Variants in RSBN1 observed in about 807,000 individuals in gnomAD.
RSBN1 encodes the protein lysine-specific demethylase 9.
RSBN1 carries 23 observed loss-of-function variants against 74.8 expected under a neutral mutation model. That is an observed-to-expected ratio of 0.31 (90% confidence interval 0.22 to 0.44). The LOEUF is 0.44. RSBN1 is among the 20% of genes least tolerant of loss of function. RSBN1 has a pLI of 1.00. For synonymous variants in RSBN1, 407 were observed against 379.6 expected (o/e 1.07, Z -0.84); for missense variants, 808 against 1,020.9 (o/e 0.79, Z 2.84).
intron 4 of RSBN1, among the ~76,000 whole-genome samples, chr1:113,775,286 A>G (rs1357896466): frequency 6.6e-6 from 1 of 151,858 alleles, no homozygotes; most frequent in African/African-American, 2.4e-5. Context: ...TGGCCTCCCA[A>G]AGTGCTGGGA....
intron 2 of RSBN1, among the ~76,000 whole-genome samples, chr1:113,784,952 A>T (rs1660209155): frequency 6.6e-6 from 1 of 152,132 alleles, no homozygotes; most frequent in Non-Finnish European, 1.5e-5. Flanking sequence ...GATTTTTAAA[A>T]TTTTTCTTTC....
chr1:113,788,608 TG>T (rs1203108160), intron 2 of RSBN1, among the ~76,000 whole-genome samples: 2 of 152,104 alleles, frequency 1.3e-5, no homozygotes, highest in African/African-American at 4.8e-5. Flanking sequence ...ACAGCAACAC[TG>T]TAAGTTTAAA....
intron 2 of RSBN1, among the ~76,000 whole-genome samples, chr1:113,790,977 T>C (rs1428958626): frequency 6.6e-6 from 1 of 152,186 alleles, no homozygotes; most frequent in East Asian, 1.9e-4. Context: ...AACTCTGGCC[T>C]GGAAATAGCA....
At chr1:113,769,447 G>C (rs1440631141) in intron 4 of RSBN1, among the ~76,000 whole-genome samples, 2 of 152,086 alleles carry the variant, frequency 1.3e-5, no homozygotes, top group African/African-American at 4.8e-5. Flanking sequence ...GGGGAAGTGG[G>C]GATTAGATGG....
chr1:113,778,973 A>G (rs1365007472), intron 2 of RSBN1, among the ~76,000 whole-genome samples: 1 of 152,182 alleles, frequency 6.6e-6, no homozygotes, highest in Non-Finnish European at 1.5e-5. Flanking sequence ...TTCTTATCTT[A>G]TGTAATCTCC....
chr1:113,777,134 T>C, intron 4 of RSBN1, 76 bp downstream of exon 4: 1 of 1,387,766 alleles, frequency 7.2e-7, no homozygotes, highest in East Asian at 2.4e-5. Flanking sequence ...CAAATGGTTT[T>C]CAAACTGTGC....
chr1:113,786,540 G>A (rs1417571844), intron 2 of RSBN1, among the ~76,000 whole-genome samples: 4 of 152,178 alleles, frequency 2.6e-5, no homozygotes, highest in South Asian at 2.1e-4. Context: ...ATAGCCTGGG[G>A]TAATATACTT....
chr1:113,776,741 T>C (rs1248767431), intron 4 of RSBN1, among the ~76,000 whole-genome samples: 3 of 149,766 alleles, frequency 2.0e-5, no homozygotes, highest in African/African-American at 7.4e-5. Flanking sequence ...GACCAGAAGT[T>C]CAAGAATACA....
At chr1:113,803,496 T>C (rs1660632768) in intron 1 of RSBN1, among the ~76,000 whole-genome samples, 1 of 152,218 alleles carries the variant, frequency 6.6e-6, no homozygotes, top group Non-Finnish European at 1.5e-5. Context: ...TGCAAGTTAA[T>C]TCTTTGCACT....
chr1:113,800,881 A>G (rs1434803410), intron 1 of RSBN1, among the ~76,000 whole-genome samples: 6 of 152,178 alleles, frequency 3.9e-5, no homozygotes, highest in Non-Finnish European at 8.8e-5. Flanking sequence ...AAACCACTGT[A>G]TAAAGAAAAG....
chr1:113,796,610 T>C (rs1444588340), intron 2 of RSBN1, among the ~76,000 whole-genome samples: 1 of 152,172 alleles, frequency 6.6e-6, no homozygotes, highest in South Asian at 2.1e-4. Flanking sequence ...CCACTAAAGT[T>C]GAATTTATAA....
chr1:113,768,234 T>G lies in RSBN1; in HGVS notation c.1814A>C (p.Gln605Pro). ...TCAATTAACTCACCATTCACCAAAT[T>G]GTACAGCTTTCAAAACTCCAACAGC... ...TAAVGVLKAVQFGEWSDQPRI... is the reference protein window; with the variant it reads ...TAAVGVLKAVPFGEWSDQPRI... Residue 605 changes from glutamine (Q) to proline (P), a missense_variant, in exon 5 of 7, where the codon CAA (glutamine) becomes CCA (proline). Gln to Pro is a moderately conservative substitution (Grantham distance 76). Coordinates refer to ENST00000261441, the MANE Select transcript of RSBN1 (RefSeq NM_018364.5). 6.2e-7 allele frequency: 1 copy of G among 1,607,126 alleles called. No homozygotes were observed. The highest frequency in any genetic ancestry group is 1.1e-5 in the South Asian group (1 of 89,956).
Position 113,807,530 on chromosome 1 carries a change from C to T in RSBN1, c.703+4180G>A, listed in dbSNP as rs376628556. On this transcript the variant is annotated intron_variant, in intron 1 of 6. Transcript: ENST00000261441. Reference sequence around the variant, plus strand: ...ATCCCAGCACTTTGGGAGGCTGAGGCGGGTGGATCACCTGAGGTCAGGAGT... The same window carrying T: ...ATCCCAGCACTTTGGGAGGCTGAGGTGGGTGGATCACCTGAGGTCAGGAGT... Among the ~76,000 whole-genome samples the T allele has an allele frequency of 3.2e-3, 487 of 151,832 alleles. 13 individuals carry two copies. In the South Asian group the frequency reaches 0.066, roughly 21 times the overall value.
intron 2 of RSBN1, among the ~76,000 whole-genome samples, chr1:113,786,119 T>C (rs1396545025): frequency 6.6e-6 from 1 of 152,126 alleles, no homozygotes; most frequent in Non-Finnish European, 1.5e-5. Flanking sequence ...AACAAAGAGA[T>C]CTGAAAATTA....
intron 1 of RSBN1, among the ~76,000 whole-genome samples, chr1:113,801,327 T>C (rs964175488): frequency 1.3e-5 from 2 of 152,174 alleles, no homozygotes; most frequent in South Asian, 2.1e-4. Context: ...TACAGAAAGC[T>C]TGACTTTTTT....
Position 113,766,463 on chromosome 1 carries a change from GA to G in RSBN1, c.1936-11del. The G allele has an allele frequency of 6.5e-7, 1 of 1,548,502 alleles. No homozygotes were observed. The highest frequency in any genetic ancestry group is 8.8e-7 in the Non-Finnish European group (1 of 1,139,442). ...CTACCCACTGTACGCACTGAAGAAA[GA>G]AAAAAGTTACGTGAGACTTTAAAAT... On this transcript the variant is annotated splice_polypyrimidine_tract_variant and intron_variant, in intron 6 of 6. Transcript: ENST00000261441.
chr1:113,785,203 G>T lies in RSBN1; in HGVS notation c.1378-7395C>A, dbSNP rs190987279. Among the ~76,000 whole-genome samples the T allele has an allele frequency of 2.5e-4, 38 of 152,008 alleles. No homozygotes were observed. In the East Asian group the frequency reaches 6.6e-3, roughly 26 times the overall value. ...CACACATTGGCCTATGCCTACAACA[G>T]GGTTGGAATGATTAATATCACTGTC... On this transcript the variant is annotated intron_variant, in intron 2 of 6. Transcript: ENST00000261441.
intron 2 of RSBN1, among the ~76,000 whole-genome samples, chr1:113,786,261 G>T (rs963237958): frequency 1.3e-5 from 2 of 152,194 alleles, no homozygotes; most frequent in African/African-American, 2.4e-5. Context: ...TCTGGAGGAG[G>T]ATCAGGTTTC....
chr1:113,806,838 C>CAA lies in RSBN1; in HGVS notation c.703+4870_703+4871dup, dbSNP rs140139729. 2.6e-3 allele frequency among the ~76,000 whole-genome samples: 202 copies of CAA among 78,830 alleles called. 1 individual carries two copies. The highest frequency in any genetic ancestry group is 3.0e-3 in the East Asian group (7 of 2,320). 51.7% of individuals were successfully genotyped at this position (78,830 alleles called of 152,430 possible). Reference sequence around the variant, plus strand: ...CAACACAGAGAGACCCTGCCTCTATCAAAAAAAAAAAAAAAAAAAAAAACA... The same window carrying CAA: ...CAACACAGAGAGACCCTGCCTCTATCAAAAAAAAAAAAAAAAAAAAAAAAACA... On this transcript the variant is annotated intron_variant, in intron 1 of 6. Transcript: ENST00000261441.
Sources: allele counts gnomAD v4.1 joint callset (sites outside exome capture counted in the v4.1 genomes callset), GRCh38; gene constraint gnomAD v4.1.1; transcripts MANE v1.5; gene names NCBI Gene and HGNC (gene_info 2026-07-23, HGNC 2026-07-21).